Variants in MRPL1 observed in about 807,000 individuals in gnomAD.
MRPL1 encodes the protein mitochondrial ribosomal protein L1.
MRPL1 carries 28 observed loss-of-function variants against 38.0 expected under a neutral mutation model. The ratio of observed to expected loss-of-function variants is 0.74; its 90% confidence interval spans 0.55 to 1.01. The LOEUF (loss-of-function observed/expected upper bound fraction) is 1.01. Ranked by LOEUF, MRPL1 falls within the 50% of genes least tolerant of loss-of-function variation. MRPL1 has a pLI of 0.00. For synonymous variants in MRPL1, 123 were observed against 126.7 expected, an observed-to-expected ratio of 0.97 and a Z score of 0.20; for missense variants, 358 against 389.8, an observed-to-expected ratio of 0.92 and a Z score of 0.69.
chr4:77,930,941 A>G (rs1010388031), intron 7 of MRPL1, among the ~76,000 whole-genome samples: 2 of 152,174 alleles, frequency 1.3e-5, no homozygotes, highest in Non-Finnish European at 2.9e-5. Context: ...AGGGGGAAAG[A>G]CTCAATGACG....
intron 7 of MRPL1, among the ~76,000 whole-genome samples, chr4:77,923,553 T>C (rs931784746): frequency 3.3e-5 from 5 of 152,204 alleles, no homozygotes; most frequent in Non-Finnish European, 5.9e-5. Context: ...TTGTATATTA[T>C]TGTTTTCCAA....
intron 6 of MRPL1, among the ~76,000 whole-genome samples, chr4:77,898,627 A>G (rs1735969914): frequency 1.3e-5 from 2 of 151,784 alleles, no homozygotes; most frequent in African/African-American, 4.8e-5. Flanking sequence ...AGTAGCTGAG[A>G]TTACAGGTGT....
chr4:77,904,244 TAA>T (rs879260489), intron 6 of MRPL1, among the ~76,000 whole-genome samples: 15 of 139,176 alleles, frequency 1.1e-4, no homozygotes, highest in Non-Finnish European at 9.4e-5. Flanking sequence ...GACTGTGTCT[TAA>T]AAAAAAAAAA....
At chr4:77,881,976 CT>C (rs1181372841) in intron 2 of MRPL1, among the ~76,000 whole-genome samples, 15 of 152,302 alleles carry the variant, frequency 9.8e-5, no homozygotes, top group East Asian at 5.8e-4. Flanking sequence ...GGATGCCCCC[CT>C]ATGCTCTGTC....
At chr4:77,875,686 G>C (rs983203523) in intron 2 of MRPL1, among the ~76,000 whole-genome samples, 4 of 152,042 alleles carry the variant, frequency 2.6e-5, no homozygotes, top group African/African-American at 9.7e-5. Flanking sequence ...AGGGGAATTG[G>C]TTGAAAGGTA....
At chr4:77,895,677 C>T (rs1735897268) in intron 6 of MRPL1, among the ~76,000 whole-genome samples, 1 of 152,068 alleles carries the variant, frequency 6.6e-6, no homozygotes, top group African/African-American at 2.4e-5. Context: ...TGTCTGAATT[C>T]TAGATCATGA....
intron 6 of MRPL1, among the ~76,000 whole-genome samples, 193 bp downstream of exon 6, chr4:77,894,443 T>G (rs1735870956): frequency 6.6e-6 from 1 of 152,134 alleles, no homozygotes; most frequent in Admixed American, 6.5e-5. Context: ...TAATATGATT[T>G]GAAAACCTAG....
chr4:77,899,356 C>G (rs946603861), intron 6 of MRPL1, among the ~76,000 whole-genome samples: 2 of 151,952 alleles, frequency 1.3e-5, no homozygotes, highest in Non-Finnish European at 2.9e-5. Context: ...CACGAGCCCC[C>G]CCGCACCTTC....
rs1177278435 is a variant in MRPL1 at position 77,909,287 on chromosome 4, C to T, written c.692C>T (p.Pro231Leu). The T allele has an allele frequency of 3.1e-6, 5 of 1,610,076 alleles. No homozygotes were observed. In the Admixed American group the frequency reaches 6.7e-5, roughly 22 times the overall value. The change falls in exon 7 of 9, where the codon CCC (proline) becomes CTC (leucine). Residue 231 changes from proline (P) to leucine (L), a missense_variant. Pro to Leu is a moderately conservative substitution (Grantham distance 98, BLOSUM62 -3). Coordinates refer to ENST00000315567, the MANE Select transcript of MRPL1 (RefSeq NM_020236.4). ...CTAGATTCCATTGGCCGTGACATCCCCAAAATGCTTGAATTATTTAAAAAT... is the reference window on the plus strand; with the variant it reads ...CTAGATTCCATTGGCCGTGACATCCTCAAAATGCTTGAATTATTTAAAAAT... ...LSRNSIGRDI[P>L]KMLELFKNGH...
At chr4:77,863,218 G>T (rs901517782) in intron 1 of MRPL1, among the ~76,000 whole-genome samples, 3 of 152,110 alleles carry the variant, frequency 2.0e-5, no homozygotes, top group African/African-American at 7.2e-5. Context: ...TCTGATAAGG[G>T]AAAGATGATG....
At position 77,885,278 on chromosome 4, in the gene MRPL1, G is replaced by A; in HGVS notation, c.425G>A (p.Ser142Asn). ...TAGAAAAACGTGGAGCCATTTACCA[G>A]TGTTCTTAGTTTGCCATACCCATTT... ...GKKKNVEPFT[S>N]VLSLPYPFAS... is the part of the protein sequence containing the mutation. The change falls in exon 4 of 9, where the codon AGT becomes AAT. Residue 142 changes from serine (S) to asparagine (N), a missense_variant. By Grantham distance (46) the Ser-to-Asn change is conservative (BLOSUM62 1). Coordinates refer to ENST00000315567, the MANE Select transcript of MRPL1 (RefSeq NM_020236.4). The A allele has an allele frequency of 6.2e-7, 1 of 1,613,826 alleles. No individual in the cohort carries two copies. The highest frequency in any genetic ancestry group is 8.5e-7 in the Non-Finnish European group (1 of 1,179,728).
At chr4:77,881,548 C>T (rs1735542434) in intron 2 of MRPL1, among the ~76,000 whole-genome samples, 1 of 150,686 alleles carries the variant, frequency 6.6e-6, no homozygotes, top group Non-Finnish European at 1.5e-5. Flanking sequence ...CTCAGGTGAT[C>T]CTTCCAAATC....
intron 7 of MRPL1, among the ~76,000 whole-genome samples, chr4:77,913,527 A>T (rs1335442280): frequency 2.0e-5 from 3 of 152,102 alleles, no homozygotes; most frequent in Non-Finnish European, 4.4e-5. Context: ...GGACTTGAGC[A>T]CTCTTACAGC....
chr4:77,943,729 A>AT (rs1737188370), intron 7 of MRPL1, among the ~76,000 whole-genome samples: 2 of 151,860 alleles, frequency 1.3e-5, no homozygotes, highest in Non-Finnish European at 2.9e-5. Context: ...AGTTTTGATT[A>AT]TTTTTTATTT....
chr4:77,917,416 G>A (rs565991995), intron 7 of MRPL1, among the ~76,000 whole-genome samples: 1 of 152,258 alleles, frequency 6.6e-6, no homozygotes, highest in Admixed American at 6.5e-5. Context: ...CTATCCAGTA[G>A]AAAAGGGGAC....
At chr4:77,923,947 G>A (rs1239391642) in intron 7 of MRPL1, among the ~76,000 whole-genome samples, 4 of 151,414 alleles carry the variant, frequency 2.6e-5, no homozygotes, top group African/African-American at 9.7e-5. Flanking sequence ...GTTGCAGTGA[G>A]CCGAGATTGC....
At chr4:77,877,912 G>A (rs906371660) in intron 2 of MRPL1, among the ~76,000 whole-genome samples, 2 of 151,844 alleles carry the variant, frequency 1.3e-5, no homozygotes, top group African/African-American at 4.8e-5. Context: ...CTGGGGGGTG[G>A]GGGGACGGCG....
chr4:77,942,442 T>C (rs919587896), intron 7 of MRPL1, among the ~76,000 whole-genome samples: 7 of 152,210 alleles, frequency 4.6e-5, no homozygotes, highest in Non-Finnish European at 1.0e-4. Context: ...TGATGGCCTG[T>C]CTAGTGCTGT....
chr4:77,935,397 T>C (rs1331889795), intron 7 of MRPL1, among the ~76,000 whole-genome samples: 1 of 150,268 alleles, frequency 6.7e-6, no homozygotes, highest in Non-Finnish European at 1.5e-5. Context: ...AAAATAATTC[T>C]TTTTTTTTTC....
Sources: allele counts gnomAD v4.1 joint callset (sites outside exome capture counted in the v4.1 genomes callset), GRCh38; gene constraint gnomAD v4.1.1; transcripts MANE v1.5; gene names NCBI Gene and HGNC (gene_info 2026-07-23, HGNC 2026-07-21).